Variants in TMC5 observed in about 807,000 individuals in gnomAD.
TMC5 encodes transmembrane channel-like protein 5.
TMC5 carries 86 observed loss-of-function variants against 110.5 expected under a neutral mutation model. The ratio of observed to expected loss-of-function variants is 0.78; its 90% CI spans 0.65 to 0.93. The LOEUF (loss-of-function observed/expected upper bound fraction) is 0.93. Ranked by LOEUF, TMC5 falls within the 40% of genes least tolerant of loss-of-function variation. The pLI is 0.00. For synonymous variants in TMC5, 455 were observed against 439.5 expected (o/e 1.04, Z -0.44); for missense variants, 1,144 against 1,222.8 (o/e 0.94, Z 0.96).
intron 6 of TMC5, among the ~76,000 whole-genome samples, chr16:19,462,241 CT>C (rs976682719): frequency 6.6e-6 from 1 of 152,160 alleles, no homozygotes; most frequent in Non-Finnish European, 1.5e-5. Flanking sequence ...CTGGATCTTT[CT>C]CTGTTGTGGG....
intron 2 of TMC5, among the ~76,000 whole-genome samples, chr16:19,434,291 ATAT>A (rs1967277536): frequency 1.6e-5 from 2 of 124,050 alleles, no homozygotes; most frequent in African/African-American, 6.2e-5. Flanking sequence ...TATATAATAT[ATAT>A]TATATGATCT....
intron 10 of TMC5, among the ~76,000 whole-genome samples, chr16:19,470,705 A>G (rs966839019): frequency 1.6e-5 from 2 of 126,656 alleles, no homozygotes; most frequent in African/African-American, 3.0e-5. Context: ...ACCCTGGTCT[A>G]TAGACACAAA....
intron 4 of TMC5, among the ~76,000 whole-genome samples, chr16:19,446,841 T>G (rs1244994313): frequency 6.6e-6 from 1 of 152,210 alleles, no homozygotes; most frequent in Non-Finnish European, 1.5e-5. Flanking sequence ...GGATCTTTTG[T>G]AGGGCAAAGT....
At position 19,479,431 on chromosome 16, in the gene TMC5, T is replaced by G; in HGVS notation, c.2170T>G (p.Cys724Gly). 1 of 1,613,198 alleles carries G rather than the reference T, an allele frequency of 6.2e-7. No homozygotes were observed. Reference sequence around the variant, plus strand: ...ATCCTGACTCTTGTTTGCCTTCCAGTGTTGGGAAACCCTCATTGGCCAGGA... The same window carrying G: ...ATCCTGACTCTTGTTTGCCTTCCAGGGTTGGGAAACCCTCATTGGCCAGGA... Reference protein sequence around the residue: ...LNTVALSGEECWETLIGQDIY... With the variant: ...LNTVALSGEEGWETLIGQDIY... The change falls in exon 14 of 22, where the codon TGT becomes GGT. Residue 724 changes from cysteine (C) to glycine (G), a missense_variant and splice_region_variant. Cys to Gly is a radical substitution (Grantham distance 159, BLOSUM62 -3). Transcript: ENST00000542583.
At chr16:19,489,371 G>C (rs908305951) in intron 17 of TMC5, among the ~76,000 whole-genome samples, 1 of 151,966 alleles carries the variant, frequency 6.6e-6, no homozygotes, top group Non-Finnish European at 1.5e-5. Context: ...GTCTCACTCT[G>C]TCATCCAGGC....
At chr16:19,484,717 T>C (rs1053839417) in intron 15 of TMC5, among the ~76,000 whole-genome samples, 2 of 149,038 alleles carry the variant, frequency 1.3e-5, no homozygotes, top group African/African-American at 5.0e-5. Flanking sequence ...GCCGAGATCA[T>C]GCCACTGGCT....
intron 5 of TMC5, among the ~76,000 whole-genome samples, chr16:19,453,652 C>T (rs1310171741): frequency 2.0e-5 from 3 of 151,774 alleles, no homozygotes; most frequent in African/African-American, 4.8e-5. Context: ...CCTGCAGTGC[C>T]AGCTACTCTG....
At chr16:19,427,403 C>A (rs1470282581) in intron 1 of TMC5, among the ~76,000 whole-genome samples, 1 of 152,216 alleles carries the variant, frequency 6.6e-6, no homozygotes, top group Non-Finnish European at 1.5e-5. Context: ...AGTGAGCTAT[C>A]ATCGTGCCAC....
chr16:19,452,311 C>T (rs1658034549), intron 5 of TMC5, among the ~76,000 whole-genome samples: 1 of 152,208 alleles, frequency 6.6e-6, no homozygotes, highest in African/African-American at 2.4e-5. Context: ...GGGTGAGCCA[C>T]CCTCCAGGAA....
intron 20 of TMC5, among the ~76,000 whole-genome samples, chr16:19,495,416 A>G (rs1047990630): frequency 3.3e-5 from 5 of 152,190 alleles, no homozygotes; most frequent in African/African-American, 1.2e-4. Flanking sequence ...AAGTGAGGCT[A>G]TATTATACAA....
chr16:19,478,686 G>A (rs7189972), intron 13 of TMC5, among the ~76,000 whole-genome samples: 13,028 of 151,610 alleles, frequency 0.086, 850 homozygotes, highest in African/African-American at 0.17. Context: ...ATTCATCCAC[G>A]TATTCATTCA....
At chr16:19,412,094 T>C (rs1346209510) in intron 1 of TMC5, among the ~76,000 whole-genome samples, 1 of 152,030 alleles carries the variant, frequency 6.6e-6, no homozygotes, top group Non-Finnish European at 1.5e-5. Flanking sequence ...TTTTTTGAAT[T>C]GTTGTCTCGC....
chr16:19,412,517 C>A (rs952303341), intron 1 of TMC5, among the ~76,000 whole-genome samples: 3 of 152,166 alleles, frequency 2.0e-5, no homozygotes, highest in African/African-American at 7.2e-5. Flanking sequence ...AGGTGCCCAC[C>A]ACCAGGCCTG....
rs1263357322 is a variant in TMC5, at chr16:19,490,379, A to G, written c.2574-16A>G. ...AGTCTTGTGCTAGAGATGTTCTTCC[A>G]TCTTTGTTTTACCAGATTGAAGCCT... is the stretch of plus-strand genomic sequence containing the variant. On this transcript the variant is annotated splice_polypyrimidine_tract_variant and intron_variant, in intron 17 of 21. Coordinates refer to ENST00000542583, the MANE Select transcript of TMC5 (RefSeq NM_001261841.2). 3 of 1,613,754 alleles carry G rather than the reference A, an allele frequency of 1.9e-6. No individual in the cohort carries two copies. Among genetic ancestry groups the G allele is most frequent in the Non-Finnish European group, 2.5e-6 (3 of 1,179,786 alleles).
intron 19 of TMC5, 41 bp from the exon 20 acceptor site, chr16:19,494,221 A>G (rs1206713095): frequency 1.3e-6 from 2 of 1,491,794 alleles, no homozygotes; most frequent in Non-Finnish European, 1.9e-6. Flanking sequence ...TCATTCATTC[A>G]TATTTTTGTT....
intron 1 of TMC5, among the ~76,000 whole-genome samples, chr16:19,420,162 C>T (rs780340891): frequency 3.9e-5 from 6 of 152,004 alleles, no homozygotes; most frequent in Non-Finnish European, 8.8e-5. Flanking sequence ...TGTGGTGGGT[C>T]ACGTCTGTAA....
intron 3 of TMC5, among the ~76,000 whole-genome samples, chr16:19,441,765 C>A (rs1003853105): frequency 2.0e-5 from 3 of 151,836 alleles, no homozygotes; most frequent in Admixed American, 2.0e-4. Context: ...CCTTTAAGGC[C>A]GGTTTTTTGT....
At chr16:19,493,465 CTT>C (rs1555486910) in intron 19 of TMC5, among the ~76,000 whole-genome samples, 1 of 74,784 alleles carries the variant, frequency 1.3e-5, no homozygotes. Context: ...CTCTCTCTCT[CTT>C]TTTTTTTTTT....
At chr16:19,492,915 G>GAGATATAT (rs1555486833) in intron 19 of TMC5, among the ~76,000 whole-genome samples, 2 of 42,752 alleles carry the variant, frequency 4.7e-5, no homozygotes, top group African/African-American at 1.1e-4. Context: ...TTAAAACTTA[G>GAGATATAT]ATATATATAT....
Sources: allele counts gnomAD v4.1 joint callset (sites outside exome capture counted in the v4.1 genomes callset), GRCh38; gene constraint gnomAD v4.1.1; transcripts MANE v1.5; gene names NCBI Gene and HGNC (gene_info 2026-07-23, HGNC 2026-07-21).